The following FBLN7 variants were observed in gnomAD, a reference collection of about 807,000 sequenced individuals.
FBLN7 encodes the protein fibulin 7.
A neutral mutation model predicts 44.0 loss-of-function variants in FBLN7; 31 were observed. The ratio of observed to expected loss-of-function variants is 0.70; its 90% confidence interval spans 0.53 to 0.95. The LOEUF (loss-of-function observed/expected upper bound fraction) is 0.95, where lower values mean the gene tolerates loss of function less well. FBLN7 is among the 40% of genes least tolerant of loss of function. The probability of loss-of-function intolerance (pLI) is 0.00; values close to 1 mark genes in which losing one functional copy is unlikely to be tolerated. For missense variants in FBLN7, 573 were observed against 618.5 expected, an observed-to-expected ratio of 0.93 and a Z score of 0.78; for synonymous variants, 262 against 253.4, an observed-to-expected ratio of 1.03 and a Z score of -0.32.
the FBLN7 span, among the ~76,000 whole-genome samples, chr2:112,193,699 G>A: frequency 4.6e-5 from 7 of 152,322 alleles, no homozygotes; most frequent in South Asian, 2.1e-4. Flanking sequence ...TGCAAACACC[G>A]TAATCGTGTG....
the FBLN7 span, among the ~76,000 whole-genome samples, chr2:112,227,330 G>A: frequency 6.6e-6 from 1 of 152,188 alleles, no homozygotes; most frequent in Non-Finnish European, 1.5e-5. Flanking sequence ...TTTGAGACCA[G>A]CCTGGCCAAC....
chr2:112,196,119 T>C, the FBLN7 span, among the ~76,000 whole-genome samples: 18 of 152,334 alleles, frequency 1.2e-4, no homozygotes, highest in Non-Finnish European at 2.5e-4. Context: ...GTGATCACAG[T>C]GAACTGCTGA....
chr2:112,169,092 G>A (rs1403819117), intron 3 of FBLN7, among the ~76,000 whole-genome samples: 2 of 152,166 alleles, frequency 1.3e-5, no homozygotes, highest in African/African-American at 4.8e-5. Flanking sequence ...CCAACGTGGT[G>A]AAACCCCATC....
chr2:112,152,633 T>C (rs1203734911), intron 1 of FBLN7: 1 of 152,224 alleles, frequency 6.6e-6, no homozygotes, highest in Non-Finnish European at 1.5e-5. Flanking sequence ...GAAAAGCCGA[T>C]TCGCCTCCTA....
At chr2:112,229,499 CT>C in the FBLN7 span, among the ~76,000 whole-genome samples, 1 of 152,294 alleles carries the variant, frequency 6.6e-6, no homozygotes, top group East Asian at 1.9e-4. Context: ...GTAAACAGGG[CT>C]TTGCCCTCTT....
intron 4 of FBLN7, among the ~76,000 whole-genome samples, chr2:112,181,387 C>T (rs1025964084): frequency 6.6e-6 from 1 of 151,874 alleles, no homozygotes; most frequent in Non-Finnish European, 1.5e-5. Context: ...AAAATAGTGG[C>T]CCATGGTTTT....
At chr2:112,241,404 C>G in the FBLN7 span, among the ~76,000 whole-genome samples, 1 of 152,172 alleles carries the variant, frequency 6.6e-6, no homozygotes, top group Non-Finnish European at 1.5e-5. Context: ...ATCCTACTCA[C>G]CATAAAGCAG....
the FBLN7 span, among the ~76,000 whole-genome samples, chr2:112,196,378 T>A: frequency 2.2e-5 from 3 of 134,396 alleles, no homozygotes; most frequent in Non-Finnish European, 4.7e-5. Context: ...CTTCTTCTTT[T>A]TTTTTTTTTT....
intron 4 of FBLN7, 156 bp downstream of exon 4, chr2:112,175,995 T>A: frequency 1.1e-6 from 1 of 928,226 alleles, no homozygotes; most frequent in Non-Finnish European, 1.5e-6. Context: ...TCCCTCTGGT[T>A]TTCTAAGGTG....
chr2:112,191,466 C>T (rs574074898), downstream of FBLN7, among the ~76,000 whole-genome samples: 7 of 152,258 alleles, frequency 4.6e-5, no homozygotes, highest in East Asian at 3.9e-4. Flanking sequence ...ATAGCCACCG[C>T]GCCTGGCCTT....
intron 1 of FBLN7, among the ~76,000 whole-genome samples, chr2:112,144,716 G>A (rs932725325): frequency 4.0e-5 from 6 of 151,848 alleles, no homozygotes; most frequent in Non-Finnish European, 7.4e-5. Context: ...TAGTAGAGAC[G>A]GGGTTTCACC....
chr2:112,232,314 C>CAAAA, the FBLN7 span, among the ~76,000 whole-genome samples: 2 of 71,564 alleles, frequency 2.8e-5, no homozygotes, highest in African/African-American at 7.0e-5. Flanking sequence ...GATAATGTCT[C>CAAAA]AAAAAAAAAA....
At chr2:112,210,627 G>A in the FBLN7 span, among the ~76,000 whole-genome samples, 1 of 119,118 alleles carries the variant, frequency 8.4e-6, no homozygotes, top group Non-Finnish European at 1.6e-5. Flanking sequence ...CTGCACTCCA[G>A]CCTGCGTGAC....
Position 112,185,185 on chromosome 2 carries a change from A to G in FBLN7, c.809-16A>G, listed in dbSNP as rs764629354. ...GGTCAGGGCGATTCTCACCTGTTGTATGTCCTGTATCTCAGATGTGGATGA... is the reference window on the plus strand; with the variant it reads ...GGTCAGGGCGATTCTCACCTGTTGTGTGTCCTGTATCTCAGATGTGGATGA... On this transcript the variant is annotated splice_polypyrimidine_tract_variant and intron_variant, in intron 6 of 7. Coordinates refer to ENST00000331203, the MANE Select transcript of FBLN7 (RefSeq NM_153214.3). The G allele has an allele frequency of 6.2e-7, 1 of 1,608,524 alleles. No individual in the cohort carries two copies. The highest frequency in any genetic ancestry group is 8.5e-7 in the Non-Finnish European group (1 of 1,175,460).
the FBLN7 span, among the ~76,000 whole-genome samples, chr2:112,198,167 C>G: frequency 1.3e-5 from 2 of 152,332 alleles, no homozygotes; most frequent in East Asian, 1.9e-4. Flanking sequence ...ATTCCTGCAG[C>G]AGCTGATTCG....
At chr2:112,231,044 A>G in the FBLN7 span, 1 of 811,174 alleles carries the variant, frequency 1.2e-6, no homozygotes, top group Non-Finnish European at 1.7e-6. Flanking sequence ...GATTCCAATC[A>G]AATTCATCCT....
the FBLN7 span, among the ~76,000 whole-genome samples, chr2:112,205,552 A>G: frequency 2.6e-5 from 4 of 152,096 alleles, no homozygotes; most frequent in African/African-American, 9.7e-5. Context: ...ATAAAATGGC[A>G]AATTTAAGTC....
the FBLN7 span, among the ~76,000 whole-genome samples, chr2:112,203,058 A>C: frequency 6.6e-6 from 1 of 152,176 alleles, no homozygotes; most frequent in Non-Finnish European, 1.5e-5. Flanking sequence ...ACAAAAAAAC[A>C]AAAAAACTGG....
At chr2:112,222,097 ACT>A in the FBLN7 span, among the ~76,000 whole-genome samples, 3 of 151,832 alleles carry the variant, frequency 2.0e-5, no homozygotes, top group Admixed American at 1.3e-4. Flanking sequence ...GGATCAGTTG[ACT>A]GGCTTAGATT....
Sources: gnomAD v4.1 joint callset for allele counts (sites outside exome capture counted in the v4.1 genomes callset) on GRCh38, gnomAD v4.1.1 for gene constraint, MANE v1.5 for transcripts, NCBI Gene and HGNC (gene_info 2026-07-23, HGNC 2026-07-21) for gene names.